Variants in GALNT18 observed in about 807,000 individuals in gnomAD.
GALNT18 encodes GalNAc-transferase 18.
A neutral mutation model predicts 69.5 loss-of-function variants in GALNT18; 44 were observed. The ratio of observed to expected loss-of-function variants is 0.63; its 90% CI spans 0.50 to 0.81. The LOEUF is 0.81. Among genes scored for constraint, GALNT18 ranks in the 40% least tolerant of loss-of-function variants. The pLI is 0.00. For missense variants in GALNT18, 715 were observed against 810.0 expected (o/e 0.88, Z 1.42); for synonymous variants, 364 against 318.2 (o/e 1.14, Z -1.53).
At chr11:11,458,261 G>T (rs1159950741) in intron 1 of GALNT18, among the ~76,000 whole-genome samples, 2 of 152,234 alleles carry the variant, frequency 1.3e-5, no homozygotes, top group Non-Finnish European at 2.9e-5. Context: ...AATGCAGCAA[G>T]CATTGCTGAA....
intron 7 of GALNT18, among the ~76,000 whole-genome samples, chr11:11,336,417 G>A (rs1850114969): frequency 6.6e-6 from 1 of 152,146 alleles, no homozygotes; most frequent in Non-Finnish European, 1.5e-5. Flanking sequence ...GAAAACTGTG[G>A]AAGGAAAGTA....
intron 10 of GALNT18, among the ~76,000 whole-genome samples, chr11:11,292,061 C>T (rs552318594): frequency 9.2e-5 from 14 of 152,212 alleles, no homozygotes; most frequent in Middle Eastern, 3.4e-3. Flanking sequence ...AGCAGCTTGC[C>T]GGGAGGCTGG....
At chr11:11,535,671 G>T (rs1342344966) in intron 1 of GALNT18, among the ~76,000 whole-genome samples, 2 of 152,116 alleles carry the variant, frequency 1.3e-5, no homozygotes, top group Non-Finnish European at 2.9e-5. Flanking sequence ...CCAGCCGGCC[G>T]AGCTTCCACA....
At chr11:11,363,079 G>A (rs1485927044) in intron 6 of GALNT18, among the ~76,000 whole-genome samples, 1 of 151,976 alleles carries the variant, frequency 6.6e-6, no homozygotes, top group Admixed American at 6.6e-5. Context: ...TCTAAGAAAG[G>A]GGACCTGCGA....
In GALNT18 at chr11:11,602,901, G is replaced by C. The variant is rs762094869; in HGVS notation, c.235+18458C>G. Among the ~76,000 whole-genome samples, 2 of 152,216 alleles carry C rather than the reference G, an allele frequency of 1.3e-5. No individual in the cohort carries two copies. The highest frequency in any genetic ancestry group is 2.9e-5 in the Non-Finnish European group (2 of 68,044). On this transcript the variant is annotated intron_variant, in intron 1 of 10. Coordinates refer to ENST00000227756, the MANE Select transcript of GALNT18 (RefSeq NM_198516.3). The surrounding 1 kb of genome is among the most constrained non-coding windows in gnomAD (Gnocchi z 4.7). ...CTTTGTGCTGCTTCCAGGTACAGGAGTCAAAATGGGTGGTAAACTTGGGAA... is the reference window on the plus strand; with the variant it reads ...CTTTGTGCTGCTTCCAGGTACAGGACTCAAAATGGGTGGTAAACTTGGGAA...
At position 11,604,667 on chromosome 11, in the gene GALNT18, C is replaced by A. The variant is rs1859706112; in HGVS notation, c.235+16692G>T. 6.6e-6 allele frequency among the ~76,000 whole-genome samples: 1 copy of A among 152,132 alleles called. No individual in the cohort carries two copies. The highest frequency in any genetic ancestry group is 2.1e-4 in the South Asian group (1 of 4,826). On this transcript the variant is annotated intron_variant, in intron 1 of 10. Coordinates refer to ENST00000227756, the MANE Select transcript of GALNT18 (RefSeq NM_198516.3). This position sits in a 1 kb window ranked among gnomAD's most constrained non-coding sequence, Gnocchi z 5.6. ...TTGAGAAGCTTCCTGGATTTTGCTC[C>A]TGTTTTCTCAAACTGGCAAAACCCA...
intron 10 of GALNT18, among the ~76,000 whole-genome samples, chr11:11,279,656 CATT>C (rs776368846): frequency 2.0e-5 from 3 of 152,206 alleles, no homozygotes; most frequent in East Asian, 1.9e-4. Context: ...TACAAACAAA[CATT>C]ATTCTATTTA....
chr11:11,332,711 T>C lies in GALNT18; in HGVS notation c.1399A>G (p.Ile467Val), dbSNP rs1850038874. Residue 467 changes from isoleucine (I) to valine (V), a missense_variant, in exon 8 of 11, where the codon ATC becomes GTC. Ile to Val is a conservative substitution (Grantham distance 29). Transcript: ENST00000227756. The surrounding 1 kb of genome is among the most constrained non-coding windows in gnomAD (Gnocchi z 4.3). ...VYPEMRMYSD[I>V]IAYGVLQNSL... ...CTCCTTACCACTCCATAGGCAATGA[T>C]GTCGGAGTACATCCTCATCTCTGGG... 6.2e-7 allele frequency: 1 copy of C among 1,614,058 alleles called. No individual in the cohort carries two copies. Among genetic ancestry groups the C allele is most frequent in the African/African-American group, 1.3e-5 (1 of 74,932 alleles).
rs1042079011 is a variant in GALNT18 at position 11,389,283 on chromosome 11, C to A, written c.596-10019G>T. Among the ~76,000 whole-genome samples, 1 of 152,196 alleles carries A rather than the reference C, an allele frequency of 6.6e-6. No individual in the cohort carries two copies. The highest frequency in any genetic ancestry group is 1.9e-4 in the East Asian group (1 of 5,190). On this transcript the variant is annotated intron_variant, in intron 3 of 10. Coordinates refer to ENST00000227756, the MANE Select transcript of GALNT18 (RefSeq NM_198516.3). This position sits in a 1 kb window ranked among gnomAD's most constrained non-coding sequence, Gnocchi z 4.3. ...CTTCCGAAGGAGTCAGCTTTGTAGG[C>A]TCAACAGAAGCTCTTCCCCTGGGAC...
chr11:11,349,729 C>A (rs1850365432), intron 6 of GALNT18, among the ~76,000 whole-genome samples: 1 of 152,168 alleles, frequency 6.6e-6, no homozygotes, highest in African/African-American at 2.4e-5. Context: ...CCTCAGTGCA[C>A]TTTACTTGGT....
At position 11,415,522 on chromosome 11, in the gene GALNT18, T is replaced by A. The variant is rs1476819961; in HGVS notation, c.595+17099A>T. On this transcript the variant is annotated intron_variant, in intron 3 of 10. Coordinates refer to ENST00000227756, the MANE Select transcript of GALNT18 (RefSeq NM_198516.3). This position sits in a 1 kb window ranked among gnomAD's most constrained non-coding sequence, Gnocchi z 4.1. ...ATAAGTAAAAACAAAAAGAGTCTAG[T>A]GGGAAATATGAGAAAGGAGAGGAGA... Among the ~76,000 whole-genome samples, 2 of 151,848 alleles carry A rather than the reference T, an allele frequency of 1.3e-5. No individual in the cohort carries two copies. The highest frequency in any genetic ancestry group is 1.3e-4 in the Admixed American group (2 of 15,236).
At chr11:11,419,596 C>CAAAAAAAAAAAAAAAAA (rs58012512) in intron 3 of GALNT18, among the ~76,000 whole-genome samples, 6 of 26,628 alleles carry the variant, frequency 2.3e-4, no homozygotes, top group African/African-American at 4.9e-4. Flanking sequence ...GATCCTGTCT[C>CAAAAAAAAAAAAAAAAA]AAAAAAAAAA....
chr11:11,537,310 G>A (rs1857802411), intron 1 of GALNT18, among the ~76,000 whole-genome samples: 1 of 151,918 alleles, frequency 6.6e-6, no homozygotes, highest in Non-Finnish European at 1.5e-5. Flanking sequence ...TACAAATAAA[G>A]ATAAATATAT....
intron 3 of GALNT18, among the ~76,000 whole-genome samples, chr11:11,392,533 C>T (rs905042688): frequency 1.3e-5 from 2 of 152,168 alleles, no homozygotes; most frequent in African/African-American, 2.4e-5. Flanking sequence ...GCAGGAGAAT[C>T]GCTTGAACCC....
chr11:11,399,758 C>T (rs573861783), intron 3 of GALNT18, among the ~76,000 whole-genome samples: 1 of 152,302 alleles, frequency 6.6e-6, no homozygotes, highest in Admixed American at 6.5e-5. Context: ...GAACAACTCA[C>T]AGAGTTGTTA....
At chr11:11,549,848 C>T (rs1286337751) in intron 1 of GALNT18, among the ~76,000 whole-genome samples, 1 of 152,218 alleles carries the variant, frequency 6.6e-6, no homozygotes, top group African/African-American at 2.4e-5. Flanking sequence ...CTTCCTTATT[C>T]AGCCTACACC....
chr11:11,419,981 T>C (rs947699168), intron 3 of GALNT18, among the ~76,000 whole-genome samples: 1 of 152,060 alleles, frequency 6.6e-6, no homozygotes, highest in Non-Finnish European at 1.5e-5. Flanking sequence ...CTCAATTTGT[T>C]AAATGAATGC....
intron 1 of GALNT18, among the ~76,000 whole-genome samples, chr11:11,520,250 C>G (rs1046425360): frequency 1.3e-5 from 2 of 152,240 alleles, no homozygotes; most frequent in Non-Finnish European, 2.9e-5. Context: ...ATTATTTTCT[C>G]CATTTTAAAG....
rs535966247 is a variant in GALNT18 at position 11,422,514 on chromosome 11, T to A, written c.595+10107A>T. On this transcript the variant is annotated intron_variant, in intron 3 of 10. Coordinates refer to ENST00000227756, the MANE Select transcript of GALNT18 (RefSeq NM_198516.3). ...CCATGTGCTTGGCTGTGTAAACACC[T>A]TTAAGCTGCCTGAGTCTTGGTTGTA... is the stretch of plus-strand genomic sequence containing the variant. Among the ~76,000 whole-genome samples, 3 of 152,344 alleles carry A rather than the reference T, an allele frequency of 2.0e-5. No individual in the cohort carries two copies. The South Asian group carries it at 6.2e-4, about 32-fold the overall frequency.
Sources: allele counts gnomAD v4.1 joint callset (sites outside exome capture counted in the v4.1 genomes callset), GRCh38; gene constraint gnomAD v4.1.1; non-coding constraint Gnocchi (gnomAD v3.1); transcripts MANE v1.5; gene names NCBI Gene and HGNC (gene_info 2026-07-23, HGNC 2026-07-21).